Variants in RUNX1 observed in about 807,000 individuals in gnomAD.
RUNX1 encodes the protein runt-related transcription factor 1.
A neutral mutation model predicts 42.8 loss-of-function variants in RUNX1; 19 were observed. The observed-to-expected ratio is 0.44, with a 90% CI of 0.31 to 0.65. The LOEUF (loss-of-function observed/expected upper bound fraction) is 0.65. Among genes scored for constraint, RUNX1 ranks in the 30% least tolerant of loss-of-function variants. The probability of loss-of-function intolerance (pLI) is 0.07; values close to 1 mark genes in which losing one functional copy is unlikely to be tolerated. For synonymous variants in RUNX1, 271 were observed against 289.4 expected (o/e 0.94, Z 0.64); for missense variants, 528 against 672.0 (o/e 0.79, Z 2.37).
chr21:35,032,291 G>A (rs930928081), intron 2 of RUNX1, among the ~76,000 whole-genome samples: 4 of 152,176 alleles, frequency 2.6e-5, no homozygotes, highest in African/African-American at 9.7e-5. Context: ...CTGAAGTGTC[G>A]CTGAAATAGG....
rs775050403 is a variant in RUNX1 at position 34,892,937 on chromosome 21, TAGA to T, written c.82_84del (p.Ser28del). 1.9e-5 allele frequency: 30 copies of T among 1,568,604 alleles called. 1 individual carries two copies. In the African/African-American group the frequency reaches 2.7e-4, roughly 14 times the overall value. ...GAATTTAACATACCGTGGACGTCTCTAGAAGGATTCATTCCAAGTATGCATTCT... is the reference window on the plus strand; with the variant it reads ...GAATTTAACATACCGTGGACGTCTCTAGGATTCATTCCAAGTATGCATTCT... On this transcript the variant is annotated inframe_deletion, in exon 3 of 9. Transcript: ENST00000675419.
intron 2 of RUNX1, among the ~76,000 whole-genome samples, chr21:34,916,810 C>T (rs1259356852): frequency 6.6e-6 from 1 of 152,124 alleles, no homozygotes; most frequent in Non-Finnish European, 1.5e-5. Flanking sequence ...GGAAGGGAGG[C>T]CAGCCCTGGG....
intron 7 of RUNX1, among the ~76,000 whole-genome samples, chr21:34,818,793 T>C (rs969323026): frequency 1.3e-5 from 2 of 152,352 alleles, no homozygotes; most frequent in East Asian, 3.9e-4. Context: ...TTTGGGTTAT[T>C]TGAGACTCTT....
intron 7 of RUNX1, among the ~76,000 whole-genome samples, chr21:34,813,485 GT>G (rs2056784618): frequency 6.6e-6 from 1 of 152,090 alleles, no homozygotes; most frequent in Admixed American, 6.5e-5. Context: ...TGGAGCCCTT[GT>G]GAGAATCCTG....
intron 5 of RUNX1, among the ~76,000 whole-genome samples, chr21:34,860,330 T>G (rs2057555172): frequency 6.6e-6 from 1 of 152,226 alleles, no homozygotes; most frequent in South Asian, 2.1e-4. Context: ...GTTGGTAAAG[T>G]GATTCAGAAG....
intron 5 of RUNX1, among the ~76,000 whole-genome samples, chr21:34,879,258 T>C (rs1034789224): frequency 6.6e-6 from 1 of 152,248 alleles, no homozygotes; most frequent in African/African-American, 2.4e-5. Flanking sequence ...TCTTATAGCA[T>C]CACTCATGCT....
intron 2 of RUNX1, among the ~76,000 whole-genome samples, chr21:35,022,041 T>C (rs922148926): frequency 2.6e-5 from 4 of 152,220 alleles, no homozygotes; most frequent in Non-Finnish European, 5.9e-5. Context: ...TACATGTGTT[T>C]ATATTGTGAA....
At chr21:34,973,665 T>C (rs2058778711) in intron 2 of RUNX1, among the ~76,000 whole-genome samples, 1 of 152,146 alleles carries the variant, frequency 6.6e-6, no homozygotes, top group African/African-American at 2.4e-5. Context: ...AACACAAACC[T>C]CCCTCCATGT....
intron 2 of RUNX1, among the ~76,000 whole-genome samples, chr21:34,948,560 T>C (rs775702962): frequency 3.3e-5 from 5 of 152,060 alleles, no homozygotes; most frequent in African/African-American, 4.8e-5. Context: ...GCTGTGAGAA[T>C]GTGGGATGAG....
At chr21:34,817,945 C>G (rs2056852111) in intron 7 of RUNX1, among the ~76,000 whole-genome samples, 1 of 152,190 alleles carries the variant, frequency 6.6e-6, no homozygotes, top group African/African-American at 2.4e-5. Flanking sequence ...TCCTGGTGGC[C>G]TGCTCTGTCT....
rs1215489311 is a variant in RUNX1, at chr21:34,792,340, G to C, written c.1238C>G (p.Ser413Cys). The C allele has an allele frequency of 1.3e-6, 2 of 1,555,534 alleles. No individual in the cohort carries two copies. The highest frequency in any genetic ancestry group is 1.7e-4 in the Middle Eastern group (1 of 5,978). The change falls in exon 9 of 9, where the codon TCC becomes TGC. Residue 413 changes from serine to cysteine, a missense_variant. Transcript: ENST00000675419. This position sits in a 1 kb window ranked among gnomAD's most constrained non-coding sequence, Gnocchi z 6.9. ...YHLYYGASAG[S>C]YQFSMVGGER... is the part of the protein sequence containing the mutation. Reference sequence around the variant, plus strand: ...GCCGCCCACCATGGAGAACTGGTAGGAGCCGGCCGAGGCGCCGTAGTACAG... The same window carrying C: ...GCCGCCCACCATGGAGAACTGGTAGCAGCCGGCCGAGGCGCCGTAGTACAG...
intron 6 of RUNX1, among the ~76,000 whole-genome samples, chr21:34,835,451 G>T (rs1157375150): frequency 6.6e-6 from 1 of 151,974 alleles, no homozygotes; most frequent in Non-Finnish European, 1.5e-5. Flanking sequence ...GGGCCCCTCA[G>T]TGTCTATATA....
At chr21:35,004,674 C>T (rs545029299) in intron 2 of RUNX1, among the ~76,000 whole-genome samples, 5 of 152,218 alleles carry the variant, frequency 3.3e-5, no homozygotes, top group Non-Finnish European at 7.3e-5. Context: ...TTCTACCCCA[C>T]TTCTAATGCT....
chr21:34,915,988 A>G (rs1284796452), intron 2 of RUNX1, among the ~76,000 whole-genome samples: 5 of 152,186 alleles, frequency 3.3e-5, no homozygotes, highest in African/African-American at 1.2e-4. Flanking sequence ...TCAGTAATCC[A>G]TATTCTGAAA....
intron 4 of RUNX1, among the ~76,000 whole-genome samples, chr21:34,883,386 A>C (rs2057935079): frequency 6.6e-6 from 1 of 152,154 alleles, no homozygotes; most frequent in Non-Finnish European, 1.5e-5. Flanking sequence ...CAATTCATTA[A>C]TACTGTATAT....
intron 7 of RUNX1, among the ~76,000 whole-genome samples, chr21:34,808,484 T>C (rs1192671862): frequency 6.6e-6 from 1 of 152,148 alleles, no homozygotes; most frequent in Non-Finnish European, 1.5e-5. Context: ...GTCAGGGCCC[T>C]GTGAATCAAG....
chr21:34,850,432 C>A (rs941536171), intron 6 of RUNX1, among the ~76,000 whole-genome samples: 20 of 152,188 alleles, frequency 1.3e-4, no homozygotes, highest in African/African-American at 4.6e-4. Context: ...ATCCCAGGCA[C>A]GCTTGGGAGA....
At chr21:35,006,842 G>A (rs2059088775) in intron 2 of RUNX1, among the ~76,000 whole-genome samples, 1 of 152,106 alleles carries the variant, frequency 6.6e-6, no homozygotes, top group Non-Finnish European at 1.5e-5. Context: ...AAAACGTGCT[G>A]GAAAGATAGA....
At chr21:34,948,845 A>G (rs1011404045) in intron 2 of RUNX1, among the ~76,000 whole-genome samples, 3 of 152,180 alleles carry the variant, frequency 2.0e-5, no homozygotes, top group Non-Finnish European at 4.4e-5. Flanking sequence ...TCCCGGGCTC[A>G]AGCAATTCTC....
Sources: allele counts gnomAD v4.1 joint callset (sites outside exome capture counted in the v4.1 genomes callset), GRCh38; gene constraint gnomAD v4.1.1; non-coding constraint Gnocchi (gnomAD v3.1); transcripts MANE v1.5; gene names NCBI Gene and HGNC (gene_info 2026-07-23, HGNC 2026-07-21).